The following NR3C2 variants were observed in gnomAD, a reference collection of about 807,000 sequenced individuals.
NR3C2 encodes nuclear receptor subfamily 3 group C member 2, also known as mineralocorticoid receptor.
A neutral mutation model predicts 86.4 loss-of-function variants in NR3C2; 15 were observed. The observed-to-expected ratio is 0.17, with a 90% CI of 0.12 to 0.27. The LOEUF is 0.27. NR3C2 is among the 10% of genes least tolerant of loss of function. NR3C2 has a pLI of 1.00. For missense variants in NR3C2, 960 were observed against 1,195.6 expected (o/e 0.80, Z 2.91); for synonymous variants, 458 against 450.5 (o/e 1.02, Z -0.21).
chr4:148,158,253 A>G (rs747692957), intron 4 of NR3C2, among the ~76,000 whole-genome samples: 29 of 152,216 alleles, frequency 1.9e-4, no homozygotes, highest in Non-Finnish European at 3.1e-4. Context: ...AAACTAGACA[A>G]AACAGAAAAG....
intron 2 of NR3C2, among the ~76,000 whole-genome samples, chr4:148,336,857 T>C (rs1163525632): frequency 2.0e-5 from 3 of 152,178 alleles, no homozygotes; most frequent in Admixed American, 2.0e-4. Flanking sequence ...AGTGGCATGA[T>C]CACGGCTCAC....
Position 148,329,011 on chromosome 4 carries a change from T to C in NR3C2, c.1758-68894A>G, listed in dbSNP as rs559075481. Reference sequence around the variant, plus strand: ...TAGACATCTAAAACCTCTAAAATTATTTTAAAAACTAGAAAATAAGATGGT... The same window carrying C: ...TAGACATCTAAAACCTCTAAAATTACTTTAAAAACTAGAAAATAAGATGGT... On this transcript the variant is annotated intron_variant, in intron 2 of 8. Coordinates refer to ENST00000358102, the MANE Select transcript of NR3C2 (RefSeq NM_000901.5). Among the ~76,000 whole-genome samples the C allele has an allele frequency of 3.9e-5, 6 of 152,310 alleles. No individual in the cohort carries two copies. The South Asian group carries it at 1.2e-3, about 32-fold the overall frequency.
At chr4:148,278,686 G>A (rs1232869778) in intron 2 of NR3C2, among the ~76,000 whole-genome samples, 1 of 152,006 alleles carries the variant, frequency 6.6e-6, no homozygotes, top group Non-Finnish European at 1.5e-5. Flanking sequence ...CAGTTTTTAT[G>A]GCTTTGTCAA....
At position 148,389,867 on chromosome 4, in the gene NR3C2, A is replaced by C. The variant is rs1047585309; in HGVS notation, c.1757+45237T>G. On this transcript the variant is annotated intron_variant, in intron 2 of 8. Coordinates refer to ENST00000358102, the MANE Select transcript of NR3C2 (RefSeq NM_000901.5). ...ACTAAAGGCATAAAGAGAAACATGA[A>C]TTGTGAGATCAAAATTCTAGAGAAC... Among the ~76,000 whole-genome samples, 5 of 152,310 alleles carry C rather than the reference A, an allele frequency of 3.3e-5. No homozygotes were observed. In the South Asian group the frequency reaches 1.0e-3, roughly 32 times the overall value.
intron 3 of NR3C2, among the ~76,000 whole-genome samples, chr4:148,230,910 A>G (rs1338668298): frequency 1.3e-5 from 2 of 152,254 alleles, no homozygotes; most frequent in African/African-American, 4.8e-5. Flanking sequence ...TGCTCAGCAA[A>G]TTCTCCAAAT....
chr4:148,176,170 C>A (rs896784313), intron 4 of NR3C2, among the ~76,000 whole-genome samples: 1 of 152,282 alleles, frequency 6.6e-6, no homozygotes, highest in African/African-American at 2.4e-5. Flanking sequence ...GCCTGCCTCC[C>A]AGGCATTTCC....
chr4:148,169,356 T>C (rs1314589825), intron 4 of NR3C2, among the ~76,000 whole-genome samples: 1 of 152,050 alleles, frequency 6.6e-6, no homozygotes, highest in Admixed American at 6.5e-5. Flanking sequence ...TGCAGGGAGC[T>C]CCTCTCAAAC....
At chr4:148,434,973 GT>G in intron 2 of NR3C2, 130 bp downstream of exon 2, 3 of 849,002 alleles carry the variant, frequency 3.5e-6, no homozygotes, top group Non-Finnish European at 5.7e-6. Flanking sequence ...AACATGCAAA[GT>G]GGAGCAACAT....
chr4:148,182,554 C>A (rs1173342554), intron 4 of NR3C2, among the ~76,000 whole-genome samples: 1 of 152,148 alleles, frequency 6.6e-6, no homozygotes, highest in Non-Finnish European at 1.5e-5. Context: ...AGATTTTTTA[C>A]CAAAACCCAT....
At position 148,410,966 on chromosome 4, in the gene NR3C2, C is replaced by A. The variant is rs116602631; in HGVS notation, c.1757+24138G>T. Among the ~76,000 whole-genome samples, 566 of 152,260 alleles carry A rather than the reference C, an allele frequency of 3.7e-3. 3 individuals carry two copies. Among genetic ancestry groups the A allele is most frequent in the African/African-American group, 0.013 (537 of 41,558 alleles). ...GCCAAACTAAACCTTACGAGGAAAC[C>A]TTAGATAATCTTCAGTACTCCGACC... On this transcript the variant is annotated intron_variant, in intron 2 of 8. Transcript: ENST00000358102.
intron 2 of NR3C2, among the ~76,000 whole-genome samples, chr4:148,294,138 G>A (rs1741926343): frequency 6.6e-6 from 1 of 152,090 alleles, no homozygotes; most frequent in Non-Finnish European, 1.5e-5. Context: ...AGCTAGGTTC[G>A]AATTGCATTT....
chr4:148,265,274 C>T (rs1740320927), intron 2 of NR3C2, among the ~76,000 whole-genome samples: 1 of 152,134 alleles, frequency 6.6e-6, no homozygotes, highest in African/African-American at 2.4e-5. Flanking sequence ...AAGGTTTATA[C>T]TGATTTTGGT....
chr4:148,239,223 C>A (rs750414263), intron 3 of NR3C2, among the ~76,000 whole-genome samples: 1 of 152,202 alleles, frequency 6.6e-6, no homozygotes, highest in African/African-American at 2.4e-5. Context: ...TGTCCCCTAG[C>A]ATCATCCTCA....
intron 2 of NR3C2, among the ~76,000 whole-genome samples, chr4:148,420,872 C>T (rs1749248627): frequency 6.6e-6 from 1 of 152,150 alleles, no homozygotes; most frequent in African/African-American, 2.4e-5. Context: ...GCCTGGCTCC[C>T]CTTTCACCTT....
At chr4:148,321,971 T>A (rs1215427445) in intron 2 of NR3C2, among the ~76,000 whole-genome samples, 15 of 152,172 alleles carry the variant, frequency 9.9e-5, no homozygotes, top group Admixed American at 9.8e-4. Context: ...TTCTTCCTAG[T>A]CTTGATGGTC....
intron 2 of NR3C2, among the ~76,000 whole-genome samples, chr4:148,379,831 C>T (rs1354284856): frequency 6.6e-6 from 1 of 152,160 alleles, no homozygotes. Context: ...TTCTTCCTCA[C>T]AGATGCTCAC....
At chr4:148,402,237 C>T (rs1458337447) in intron 2 of NR3C2, among the ~76,000 whole-genome samples, 1 of 152,098 alleles carries the variant, frequency 6.6e-6, no homozygotes, top group Non-Finnish European at 1.5e-5. Flanking sequence ...AATAAACTGC[C>T]AGATCAAATT....
chr4:148,193,568 G>A (rs189772712), intron 4 of NR3C2, among the ~76,000 whole-genome samples: 83 of 152,248 alleles, frequency 5.5e-4, no homozygotes, highest in African/African-American at 1.9e-3. Context: ...ATCTCCAGAT[G>A]ACTTATAATA....
chr4:148,337,747 T>C (rs1744563793), intron 2 of NR3C2, among the ~76,000 whole-genome samples: 1 of 152,194 alleles, frequency 6.6e-6, no homozygotes, highest in Admixed American at 6.5e-5. Context: ...ATTTCTAAAA[T>C]AAGCTAACAT....
Sources: allele counts gnomAD v4.1 joint callset (sites outside exome capture counted in the v4.1 genomes callset), GRCh38; gene constraint gnomAD v4.1.1; transcripts MANE v1.5; gene names NCBI Gene and HGNC (gene_info 2026-07-23, HGNC 2026-07-21).